Variants in CCDC73 observed in about 807,000 individuals in gnomAD.
CCDC73 encodes coiled-coil domain containing 73.
In CCDC73, 95 loss-of-function variants were observed where a neutral mutation model predicts 116.5. The ratio of observed to expected loss-of-function variants is 0.82; its 90% CI spans 0.69 to 0.97. The LOEUF (loss-of-function observed/expected upper bound fraction) is 0.97, where lower values mean the gene tolerates loss of function less well. Among genes scored for constraint, CCDC73 ranks in the 50% least tolerant of loss-of-function variants. The pLI is 0.00. For synonymous variants in CCDC73, 398 were observed against 401.3 expected (o/e 0.99, Z 0.10); for missense variants, 1,066 against 1,206.8 (o/e 0.88, Z 1.73).
the CCDC73 span, among the ~76,000 whole-genome samples, chr11:32,801,059 T>C: frequency 6.6e-6 from 1 of 152,192 alleles, no homozygotes; most frequent in African/African-American, 2.4e-5. Flanking sequence ...CATCCTCATA[T>C]AGGCAGCGAG....
At chr11:32,787,617 A>G (rs1850639582) in intron 1 of CCDC73, among the ~76,000 whole-genome samples, 1 of 152,206 alleles carries the variant, frequency 6.6e-6, no homozygotes, top group Non-Finnish European at 1.5e-5. Flanking sequence ...ATAACTTGAA[A>G]AGAATGGCAA....
At chr11:32,709,455 C>A (rs893002980) in intron 3 of CCDC73, among the ~76,000 whole-genome samples, 14 of 152,172 alleles carry the variant, frequency 9.2e-5, no homozygotes, top group Admixed American at 9.2e-4. Context: ...TGCCACCAAG[C>A]CTGGCTAATT....
intron 1 of CCDC73, among the ~76,000 whole-genome samples, chr11:32,787,334 CTTA>C (rs1850637290): frequency 1.3e-5 from 2 of 152,144 alleles, no homozygotes; most frequent in South Asian, 4.1e-4. Flanking sequence ...GAGCCACGTC[CTTA>C]TTGTTATACT....
intron 6 of CCDC73, among the ~76,000 whole-genome samples, chr11:32,685,777 A>G (rs1386259745): frequency 7.6e-6 from 1 of 130,818 alleles, no homozygotes; most frequent in East Asian, 2.3e-4. Flanking sequence ...GTTGGAGTGC[A>G]GTGGTGCGAT....
intron 9 of CCDC73, among the ~76,000 whole-genome samples, chr11:32,664,106 A>G (rs1243099061): frequency 6.6e-6 from 1 of 152,162 alleles, no homozygotes; most frequent in Non-Finnish European, 1.5e-5. Context: ...GGATTTTTGC[A>G]TCGATGTTCA....
intron 9 of CCDC73, among the ~76,000 whole-genome samples, chr11:32,665,205 G>C (rs540994980): frequency 6.6e-6 from 1 of 152,244 alleles, no homozygotes; most frequent in South Asian, 2.1e-4. Context: ...TCAATTCCTG[G>C]ATATCCTTTT....
At chr11:32,767,531 G>C (rs1171576897) in intron 1 of CCDC73, among the ~76,000 whole-genome samples, 2 of 152,142 alleles carry the variant, frequency 1.3e-5, no homozygotes, top group African/African-American at 2.4e-5. Context: ...AGAGTGAACA[G>C]GCAACCTACA....
the CCDC73 span, among the ~76,000 whole-genome samples, chr11:32,810,078 TA>T: frequency 6.6e-6 from 1 of 152,234 alleles, no homozygotes; most frequent in Non-Finnish European, 1.5e-5. Context: ...AATTTTTAGT[TA>T]ACTTTTAAAC....
At chr11:32,819,472 T>TG in the CCDC73 span, among the ~76,000 whole-genome samples, 5 of 151,328 alleles carry the variant, frequency 3.3e-5, no homozygotes, top group African/African-American at 7.3e-5. Flanking sequence ...AAGAGGTTTT[T>TG]TTTTTTTTTA....
chr11:32,817,491 T>A, the CCDC73 span, among the ~76,000 whole-genome samples: 1 of 152,242 alleles, frequency 6.6e-6, no homozygotes, highest in Non-Finnish European at 1.5e-5. Flanking sequence ...GGTTGTCCCC[T>A]GTTTTGACCA....
At chr11:32,785,509 C>T (rs945293511) in intron 1 of CCDC73, among the ~76,000 whole-genome samples, 1 of 152,118 alleles carries the variant, frequency 6.6e-6, no homozygotes, top group Non-Finnish European at 1.5e-5. Context: ...TCAAGTGACC[C>T]TGCCACCTCA....
chr11:32,679,642 G>A (rs1856126232), intron 7 of CCDC73, among the ~76,000 whole-genome samples: 1 of 152,112 alleles, frequency 6.6e-6, no homozygotes, highest in Non-Finnish European at 1.5e-5. Context: ...AGGATTACAG[G>A]TGTGAGCCAC....
chr11:32,795,247 T>G (rs1215129296), upstream of CCDC73, among the ~76,000 whole-genome samples: 1 of 151,964 alleles, frequency 6.6e-6, no homozygotes, highest in Non-Finnish European at 1.5e-5. Context: ...GGTGGGAGGA[T>G]TGCTTCAGGT....
intron 2 of CCDC73, among the ~76,000 whole-genome samples, chr11:32,737,147 C>CA (rs1850139554): frequency 6.6e-6 from 1 of 151,198 alleles, no homozygotes; most frequent in African/African-American, 2.4e-5. Flanking sequence ...TCCAATTCTG[C>CA]ATATTAAACC....
Position 32,620,472 on chromosome 11 carries a change from G to A in CCDC73, c.1186-4343C>T, listed in dbSNP as rs547104466. 1.1e-3 allele frequency among the ~76,000 whole-genome samples: 161 copies of A among 151,982 alleles called. 1 individual carries two copies. The highest frequency in any genetic ancestry group is 5.8e-3 in the Admixed American group (88 of 15,282). On this transcript the variant is annotated intron_variant, in intron 14 of 17. Coordinates refer to ENST00000335185, the MANE Select transcript of CCDC73 (RefSeq NM_001008391.4). The stretch of plus-strand genomic sequence containing the variant: ...AAAATACAAAAAAAATTAGCCAGGC[G>A]TGGTGGCGGATGCCTGTAGTCCCAC...
At chr11:32,733,922 A>G (rs1850102218) in intron 2 of CCDC73, among the ~76,000 whole-genome samples, 1 of 152,228 alleles carries the variant, frequency 6.6e-6, no homozygotes, top group African/African-American at 2.4e-5. Flanking sequence ...CTAAGATCAG[A>G]GCAGAACTGA....
At chr11:32,729,422 C>A (rs780035264) in intron 2 of CCDC73, among the ~76,000 whole-genome samples, 2 of 152,152 alleles carry the variant, frequency 1.3e-5, no homozygotes, top group Non-Finnish European at 2.9e-5. Context: ...GTCTATCACT[C>A]ATGGGCTTTT....
intron 4 of CCDC73, 131 bp downstream of exon 4, chr11:32,702,742 T>G (rs756842820): frequency 8.6e-6 from 6 of 696,252 alleles, no homozygotes; most frequent in Non-Finnish European, 1.6e-5. Context: ...ATTCATTTCC[T>G]ACTTCCCATA....
intron 1 of CCDC73, among the ~76,000 whole-genome samples, chr11:32,784,120 G>A (rs1850606311): frequency 6.6e-6 from 1 of 151,984 alleles, no homozygotes; most frequent in East Asian, 1.9e-4. Context: ...ACCTAAGGTC[G>A]GGAGTTCAAG....
Sources: gnomAD v4.1 joint callset for allele counts (sites outside exome capture counted in the v4.1 genomes callset) on GRCh38, gnomAD v4.1.1 for gene constraint, MANE v1.5 for transcripts, NCBI Gene and HGNC (gene_info 2026-07-23, HGNC 2026-07-21) for gene names.